PIEZO2: variants seen among roughly 807,000 people sequenced by gnomAD.
PIEZO2 encodes the protein piezo type mechanosensitive ion channel component 2, also known as piezo-type mechanosensitive ion channel component 2.
A neutral mutation model predicts 337.3 loss-of-function variants in PIEZO2; 172 were observed. The ratio of observed to expected loss-of-function variants is 0.51; its 90% CI spans 0.45 to 0.58. PIEZO2 has a LOEUF of 0.58. Among genes scored for constraint, PIEZO2 ranks in the 20% least tolerant of loss-of-function variants. The pLI is 0.00. For missense variants in PIEZO2, 3,028 were observed against 3,391.3 expected (o/e 0.89, Z 2.66); for synonymous variants, 1,251 against 1,228.5 (o/e 1.02, Z -0.38).
At chr18:11,011,923 G>A (rs116475060) in intron 2 of PIEZO2, among the ~76,000 whole-genome samples, 2,348 of 152,306 alleles carry the variant, frequency 0.015, 38 homozygotes, top group African/African-American at 0.042. Context: ...TAAGGCTGCA[G>A]CGAGCTATGA....
intron 4 of PIEZO2, among the ~76,000 whole-genome samples, chr18:10,893,139 C>A (rs532495944): frequency 6.6e-6 from 1 of 152,198 alleles, no homozygotes; most frequent in East Asian, 1.9e-4. Flanking sequence ...AGTTCAAGAC[C>A]TATTACAAAA....
At chr18:11,034,816 G>T (rs973597634) in intron 2 of PIEZO2, among the ~76,000 whole-genome samples, 4 of 152,152 alleles carry the variant, frequency 2.6e-5, no homozygotes, top group Non-Finnish European at 5.9e-5. Flanking sequence ...TTGCACTCCA[G>T]CCTGGGCAAC....
intron 1 of PIEZO2, among the ~76,000 whole-genome samples, chr18:11,100,321 T>G (rs887992920): frequency 6.6e-6 from 1 of 152,238 alleles, no homozygotes; most frequent in African/African-American, 2.4e-5. Flanking sequence ...CTCCATTTGA[T>G]TTTTCCTTTC....
At chr18:10,720,419 GTATATATATATATATATA>G (rs74177567) in intron 36 of PIEZO2, among the ~76,000 whole-genome samples, 38 of 9,260 alleles carry the variant, frequency 4.1e-3, no homozygotes, top group Middle Eastern at 0.062. Context: ...GTATGTGTAT[GTATATATATATATATATA>G]TATATATATA....
chr18:11,108,477 G>A (rs1051378657), intron 1 of PIEZO2, among the ~76,000 whole-genome samples: 11 of 151,740 alleles, frequency 7.2e-5, no homozygotes, highest in South Asian at 2.1e-4. Flanking sequence ...AGCCGGGCGC[G>A]GTGGCGGGCG....
At chr18:10,983,845 G>A (rs1397612467) in intron 2 of PIEZO2, among the ~76,000 whole-genome samples, 1 of 152,164 alleles carries the variant, frequency 6.6e-6, no homozygotes, top group Non-Finnish European at 1.5e-5. Context: ...TACTGGTGAG[G>A]GAGAAGGTAT....
intron 4 of PIEZO2, among the ~76,000 whole-genome samples, chr18:10,883,258 T>A (rs2042475124): frequency 6.6e-6 from 1 of 152,140 alleles, no homozygotes; most frequent in Admixed American, 6.5e-5. Context: ...GACACACAAA[T>A]TTCCTTTCTC....
intron 4 of PIEZO2, among the ~76,000 whole-genome samples, chr18:10,902,374 T>C (rs563726119): frequency 6.6e-6 from 1 of 152,286 alleles, no homozygotes; most frequent in East Asian, 1.9e-4. Flanking sequence ...TGAAGGAACA[T>C]TTGTAGATTT....
Position 10,861,689 on chromosome 18 carries a change from T to C in PIEZO2, c.493-4478A>G, listed in dbSNP as rs2041876946. Among the ~76,000 whole-genome samples, 2 of 152,198 alleles carry C rather than the reference T, an allele frequency of 1.3e-5. No homozygotes were observed. The highest frequency in any genetic ancestry group is 1.3e-4 in the Admixed American group (2 of 15,280). Reference sequence around the variant, plus strand: ...TGAAGAATGATTTTGGGGGACCTATTGCACTGCATGGTGACTGTAGTTTTT... The same window carrying C: ...TGAAGAATGATTTTGGGGGACCTATCGCACTGCATGGTGACTGTAGTTTTT... On this transcript the variant is annotated intron_variant, in intron 5 of 55. Transcript: ENST00000674853. The surrounding 1 kb of genome is among the most constrained non-coding windows in gnomAD (Gnocchi z 4.3).
chr18:10,898,595 GA>G (rs977284173), intron 4 of PIEZO2, among the ~76,000 whole-genome samples: 27 of 152,118 alleles, frequency 1.8e-4, no homozygotes, highest in African/African-American at 6.3e-4. Context: ...GTAGATAGGT[GA>G]AAAATTGGAT....
intron 2 of PIEZO2, among the ~76,000 whole-genome samples, chr18:11,005,136 G>A (rs1335192261): frequency 6.6e-6 from 1 of 152,206 alleles, no homozygotes; most frequent in Non-Finnish European, 1.5e-5. Context: ...TCTGTCCCAA[G>A]GGACCTACAA....
At position 10,979,646 on chromosome 18, in the gene PIEZO2, A is replaced by G. The variant is rs1325925352; in HGVS notation, c.175T>C (p.Leu59=). 6 of 1,535,076 alleles carry G rather than the reference A, an allele frequency of 3.9e-6. No homozygotes were observed. The highest frequency in any genetic ancestry group is 2.0e-5 in the Admixed American group (1 of 50,910). ...CTGATGAAGCACAGAGACTTTAATA[A>G]CCGTCCCGTATGTCCTAAGGGATAA... ...KTTMQGHTGR[L]LKSLCFISLS... is the part of the protein sequence containing the mutation. Residue 59 remains leucine (L), a synonymous_variant, in exon 3 of 56, where the codon TTA becomes CTA. Coordinates refer to ENST00000674853, the MANE Select transcript of PIEZO2 (RefSeq NM_001378183.1). The surrounding 1 kb of genome is among the most constrained non-coding windows in gnomAD (Gnocchi z 4.0).
At chr18:10,733,664 G>A (rs1020195830) in intron 35 of PIEZO2, among the ~76,000 whole-genome samples, 1 of 152,082 alleles carries the variant, frequency 6.6e-6, no homozygotes, top group African/African-American at 2.4e-5. Flanking sequence ...TAGCCAGGAT[G>A]GTCTCGATCT....
chr18:11,063,294 G>C lies in PIEZO2; in HGVS notation c.160+2833C>G, dbSNP rs551449922. Among the ~76,000 whole-genome samples, 806 of 127,234 alleles carry C rather than the reference G, an allele frequency of 6.3e-3. 15 individuals carry two copies. The highest frequency in any genetic ancestry group is 0.013 in the Admixed American group (149 of 11,832). The allele number at this position is 127,234 out of a possible 152,430, so 83.5% of individuals were successfully genotyped here. ...CGGGGCCTGTTGTGGGGTGGGGGGA[G>C]TGGGGAGGGATAGCATTAGGAGATA... On this transcript the variant is annotated intron_variant, in intron 2 of 55. Transcript: ENST00000674853.
chr18:11,009,049 T>C lies in PIEZO2; in HGVS notation c.161-29389A>G, dbSNP rs1002990909. On this transcript the variant is annotated intron_variant, in intron 2 of 55. Coordinates refer to ENST00000674853, the MANE Select transcript of PIEZO2 (RefSeq NM_001378183.1). The surrounding 1 kb of genome is among the most constrained non-coding windows in gnomAD (Gnocchi z 4.6). ...ATTATCCTTTGTACTGTCTTGAAGA[T>C]TGAATTCTGTTACTTAACTACGTAC... Among the ~76,000 whole-genome samples, 2 of 152,348 alleles carry C rather than the reference T, an allele frequency of 1.3e-5. No homozygotes were observed. Among genetic ancestry groups the C allele is most frequent in the Middle Eastern group, 3.4e-3 (1 of 294 alleles).
At chr18:10,779,109 A>C (rs980594324) in intron 18 of PIEZO2, among the ~76,000 whole-genome samples, 1 of 152,160 alleles carries the variant, frequency 6.6e-6, no homozygotes, top group African/African-American at 2.4e-5. Flanking sequence ...ACCAGCCCCC[A>C]AAAAACCTGA....
intron 7 of PIEZO2, among the ~76,000 whole-genome samples, chr18:10,812,984 C>CTTTT (rs5823122): frequency 2.1e-5 from 3 of 146,280 alleles, no homozygotes; most frequent in Admixed American, 6.8e-5. Flanking sequence ...TTATTTTAAA[C>CTTTT]TTTTTTTTTT....
At chr18:10,886,650 A>C (rs1006887377) in intron 4 of PIEZO2, among the ~76,000 whole-genome samples, 3 of 150,860 alleles carry the variant, frequency 2.0e-5, no homozygotes, top group African/African-American at 7.3e-5. Flanking sequence ...AATTTATGTG[A>C]ATGTGATCTC....
At position 11,101,067 on chromosome 18, in the gene PIEZO2, G is replaced by A. The variant is rs1453569288; in HGVS notation, c.65-34845C>T. Among the ~76,000 whole-genome samples the A allele has an allele frequency of 6.6e-6, 1 of 152,160 alleles. No individual in the cohort carries two copies. The highest frequency in any genetic ancestry group is 1.5e-5 in the Non-Finnish European group (1 of 68,016). ...AGCTTCAGAGAGTTTAATGGGCATG[G>A]CATCCCCAGGGGACAGATGAGTCCC... On this transcript the variant is annotated intron_variant, in intron 1 of 55. Transcript: ENST00000674853. This position sits in a 1 kb window ranked among gnomAD's most constrained non-coding sequence, Gnocchi z 4.4.
Sources: gnomAD v4.1 joint callset for allele counts (sites outside exome capture counted in the v4.1 genomes callset) on GRCh38, gnomAD v4.1.1 for gene constraint, Gnocchi (gnomAD v3.1) non-coding constraint, MANE v1.5 for transcripts, NCBI Gene and HGNC (gene_info 2026-07-23, HGNC 2026-07-21) for gene names.